FBXL17: variants seen among roughly 807,000 people sequenced by gnomAD.
FBXL17 encodes F-box/LRR-repeat protein 17.
A neutral mutation model predicts 66.2 loss-of-function variants in FBXL17; 22 were observed. The observed-to-expected ratio is 0.33, with a 90% CI of 0.24 to 0.47. The LOEUF (loss-of-function observed/expected upper bound fraction) is 0.47. Ranked by LOEUF, FBXL17 falls within the 20% of genes least tolerant of loss-of-function variation. The probability of loss-of-function intolerance (pLI) is 1.00; values close to 1 mark genes in which losing one functional copy is unlikely to be tolerated. For synonymous variants in FBXL17, 474 were observed against 400.5 expected, an observed-to-expected ratio of 1.18 and a Z score of -2.19; for missense variants, 878 against 948.2, an observed-to-expected ratio of 0.93 and a Z score of 0.97.
chr5:108,218,151 G>A (rs1053760572), intron 5 of FBXL17, among the ~76,000 whole-genome samples: 5 of 150,904 alleles, frequency 3.3e-5, no homozygotes, highest in Admixed American at 2.0e-4. Context: ...GACTATAGGC[G>A]CCTGCTACCA....
chr5:107,890,473 G>A (rs1399892438), intron 7 of FBXL17, among the ~76,000 whole-genome samples: 1 of 151,776 alleles, frequency 6.6e-6, no homozygotes, highest in African/African-American at 2.4e-5. Flanking sequence ...ACCAGCCTGG[G>A]CAACATGGCA....
rs907320188 is a variant in FBXL17, at chr5:108,002,772, G to C, written c.1822+18153C>G. Reference sequence around the variant, plus strand: ...TACTAATACATGCCACAACATAGATGAATCTCAAGAAACTTACTAAGAGAA... The same window carrying C: ...TACTAATACATGCCACAACATAGATCAATCTCAAGAAACTTACTAAGAGAA... On this transcript the variant is annotated intron_variant, in intron 7 of 8. Coordinates refer to ENST00000542267, the MANE Select transcript of FBXL17 (RefSeq NM_001163315.3). Among the ~76,000 whole-genome samples the C allele has an allele frequency of 2.6e-5, 4 of 152,254 alleles. No homozygotes were observed. The South Asian group carries it at 8.3e-4, about 32-fold the overall frequency.
chr5:107,989,310 T>C (rs917658985), intron 7 of FBXL17, among the ~76,000 whole-genome samples: 5 of 152,064 alleles, frequency 3.3e-5, no homozygotes, highest in African/African-American at 1.2e-4. Context: ...TCCCAGTCTC[T>C]GGTGACCACC....
chr5:108,026,160 C>A (rs542333114), intron 6 of FBXL17, among the ~76,000 whole-genome samples: 133 of 152,248 alleles, frequency 8.7e-4, no homozygotes, highest in African/African-American at 3.1e-3. Flanking sequence ...AAGAAGTAAT[C>A]AAGTATCTAT....
chr5:108,299,903 T>C lies in FBXL17; in HGVS notation c.1506+48496A>G, dbSNP rs1474989853. On this transcript the variant is annotated intron_variant, in intron 4 of 8. Transcript: ENST00000542267. ...TTTCTTCCCAGAACATCTAAAATGA[T>C]GGGTAAATAAAGCTCAATGTCCAAA... The C allele has an allele frequency of 7.3e-6, 6 of 820,494 alleles. No individual in the cohort carries two copies. In the African/African-American group the frequency reaches 7.4e-5, roughly 10 times the overall value. 50.8% of individuals were successfully genotyped at this position (820,494 alleles called of 1,614,324 possible). A position where few individuals can be genotyped will look rare whatever the true frequency, so the allele number is the denominator to read the frequency against.
intron 8 of FBXL17, among the ~76,000 whole-genome samples, chr5:107,871,745 A>G (rs1474554475): frequency 6.7e-6 from 1 of 150,314 alleles, no homozygotes; most frequent in African/African-American, 2.4e-5. Flanking sequence ...ATGATCAGCA[A>G]TTTGAAAAAA....
rs181006501 is a variant in FBXL17, at chr5:108,293,019, C to T, written c.1506+55380G>A. 2.8e-3 allele frequency among the ~76,000 whole-genome samples: 420 copies of T among 147,524 alleles called. 4 individuals carry two copies. The highest frequency in any genetic ancestry group is 1.0e-2 in the African/African-American group (398 of 39,978). On this transcript the variant is annotated intron_variant, in intron 4 of 8. Transcript: ENST00000542267. ...GGCAGAATGGCGTGAACCCGGGAGGCGGAGCTTATAGTGAGCTGAGATCAC... is the reference window on the plus strand; with the variant it reads ...GGCAGAATGGCGTGAACCCGGGAGGTGGAGCTTATAGTGAGCTGAGATCAC...
At chr5:108,143,790 C>T (rs1475366541) in intron 6 of FBXL17, among the ~76,000 whole-genome samples, 2 of 146,874 alleles carry the variant, frequency 1.4e-5, no homozygotes, top group African/African-American at 5.0e-5. Flanking sequence ...CTCATCCTGT[C>T]TGTGGATGTG....
intron 7 of FBXL17, among the ~76,000 whole-genome samples, chr5:107,909,432 G>A (rs1193005433): frequency 6.6e-6 from 1 of 152,114 alleles, no homozygotes; most frequent in African/African-American, 2.4e-5. Flanking sequence ...CTTGCCTAAT[G>A]AGCACATGGA....
chr5:107,990,981 A>C (rs1372278504), intron 7 of FBXL17, among the ~76,000 whole-genome samples: 3 of 151,968 alleles, frequency 2.0e-5, no homozygotes, highest in Non-Finnish European at 4.4e-5. Context: ...TCTGAGGCCC[A>C]CTAGCTGAAA....
intron 7 of FBXL17, among the ~76,000 whole-genome samples, chr5:108,011,537 C>T (rs1754169598): frequency 6.6e-6 from 1 of 152,162 alleles, no homozygotes; most frequent in South Asian, 2.1e-4. Flanking sequence ...GGTGCAGTGG[C>T]TCATGCCTGT....
intron 4 of FBXL17, among the ~76,000 whole-genome samples, chr5:108,278,165 ATT>A (rs977367670): frequency 2.0e-5 from 3 of 152,190 alleles, no homozygotes; most frequent in Admixed American, 6.5e-5. Context: ...CCACAAGGGA[ATT>A]ATACAATCCG....
intron 7 of FBXL17, among the ~76,000 whole-genome samples, chr5:107,936,838 C>T (rs1378859291): frequency 6.6e-6 from 1 of 152,060 alleles, no homozygotes; most frequent in African/African-American, 2.4e-5. Flanking sequence ...CAATGGTAAA[C>T]TCTCTGGATT....
chr5:108,153,614 G>C (rs182627139), intron 6 of FBXL17, among the ~76,000 whole-genome samples: 2 of 152,242 alleles, frequency 1.3e-5, no homozygotes, highest in East Asian at 3.9e-4. Context: ...TAACCCCACA[G>C]TTCCATGATC....
intron 6 of FBXL17, among the ~76,000 whole-genome samples, chr5:108,092,456 C>T (rs1218012288): frequency 6.6e-6 from 1 of 152,052 alleles, no homozygotes; most frequent in African/African-American, 2.4e-5. Context: ...ACATACATCA[C>T]AGGTACTTGC....
At chr5:108,379,598 T>C (rs1749697619) in intron 1 of FBXL17, among the ~76,000 whole-genome samples, 1 of 152,226 alleles carries the variant, frequency 6.6e-6, no homozygotes. Flanking sequence ...TTGTAATTAA[T>C]GACAGTTACT....
intron 6 of FBXL17, among the ~76,000 whole-genome samples, chr5:108,056,098 T>C (rs1001195940): frequency 2.0e-5 from 3 of 152,208 alleles, no homozygotes; most frequent in Non-Finnish European, 2.9e-5. Flanking sequence ...CAACATAAAG[T>C]TATCTATCTA....
At chr5:108,076,640 G>A (rs1748557963) in intron 6 of FBXL17, among the ~76,000 whole-genome samples, 1 of 152,096 alleles carries the variant, frequency 6.6e-6, no homozygotes, top group Non-Finnish European at 1.5e-5. Flanking sequence ...AGGCAGAAGT[G>A]GCCTTGCAAA....
intron 4 of FBXL17, among the ~76,000 whole-genome samples, chr5:108,337,674 A>G (rs752463463): frequency 1.3e-5 from 2 of 150,722 alleles, no homozygotes; most frequent in Non-Finnish European, 1.5e-5. Context: ...TCTGGAAGAA[A>G]GAAGAAGAGT....
Sources: gnomAD v4.1 joint callset for allele counts (sites outside exome capture counted in the v4.1 genomes callset) on GRCh38, gnomAD v4.1.1 for gene constraint, MANE v1.5 for transcripts, NCBI Gene and HGNC (gene_info 2026-07-23, HGNC 2026-07-21) for gene names.